SRRM3: variants seen among roughly 807,000 people sequenced by gnomAD.
The protein encoded by SRRM3 is serine/arginine repetitive matrix protein 3.
In SRRM3, 27 loss-of-function variants were observed where a neutral mutation model predicts 66.2. That is an observed-to-expected ratio of 0.41 (90% confidence interval 0.30 to 0.56). The LOEUF (loss-of-function observed/expected upper bound fraction) is 0.56, where lower values mean the gene tolerates loss of function less well. Among genes scored for constraint, SRRM3 ranks in the 20% least tolerant of loss-of-function variants. The pLI, the probability that SRRM3 is intolerant of heterozygous loss-of-function variation, is 0.32. For missense variants in SRRM3, 918 were observed against 991.9 expected, an observed-to-expected ratio of 0.93 and a Z score of 1.00; for synonymous variants, 391 against 414.9, an observed-to-expected ratio of 0.94 and a Z score of 0.70.
chr7:76,243,934 C>G (rs1454190012), intron 2 of SRRM3, among the ~76,000 whole-genome samples: 1 of 152,214 alleles, frequency 6.6e-6, no homozygotes, highest in Non-Finnish European at 1.5e-5. Context: ...TCCTGGGTGC[C>G]AGGCTCTGCA....
chr7:76,259,782 C>T (rs1232585770), intron 3 of SRRM3, 124 bp from the exon 4 acceptor site: 8 of 1,459,296 alleles, frequency 5.5e-6, no homozygotes, highest in African/African-American at 1.4e-5. Context: ...AGTTACCCCT[C>T]GCCCCTCCCC....
chr7:76,210,577 A>T (rs1342705351), intron 1 of SRRM3, among the ~76,000 whole-genome samples: 1 of 152,130 alleles, frequency 6.6e-6, no homozygotes, highest in Non-Finnish European at 1.5e-5. Context: ...GCATTAGGTA[A>T]AGAGAGGAGA....
intron 14 of SRRM3, chr7:76,283,807 TG>T: frequency 5.1e-6 from 5 of 985,412 alleles, no homozygotes; most frequent in Non-Finnish European, 6.0e-6. Flanking sequence ...CTGCTAGGAC[TG>T]GAAGTGTCTG....
intron 1 of SRRM3, among the ~76,000 whole-genome samples, chr7:76,211,449 G>A (rs1800429293): frequency 6.6e-6 from 1 of 152,170 alleles, no homozygotes; most frequent in East Asian, 1.9e-4. Flanking sequence ...AGGTGAGGCA[G>A]CCTAGCCTTT....
chr7:76,264,653 G>A lies in SRRM3; in HGVS notation c.675-112G>A, dbSNP rs1186938915. 6 of 1,122,494 alleles carry A rather than the reference G, an allele frequency of 5.3e-6. No individual in the cohort carries two copies. In the East Asian group the frequency reaches 1.2e-4, roughly 23 times the overall value. 69.5% of individuals were successfully genotyped at this position (1,122,494 alleles called of 1,614,324 possible). ...AGTCCCCGCCAGCCATGGGGCTTAG[G>A]CCCTAGAGTGGAACAAATCTCAGAT... On this transcript the variant is annotated intron_variant, in intron 8 of 14. Coordinates refer to ENST00000611745, the MANE Select transcript of SRRM3 (RefSeq NM_001110199.3).
intron 3 of SRRM3, among the ~76,000 whole-genome samples, chr7:76,256,813 G>A (rs893559475): frequency 8.6e-5 from 13 of 151,138 alleles, no homozygotes; most frequent in Non-Finnish European, 1.6e-4. Flanking sequence ...GGGTTCAAGC[G>A]ATTCTCCTGC....
In SRRM3 at chr7:76,261,336, C is replaced by T. The variant is rs1801860178; in HGVS notation, c.576-16C>T. 1 of 1,191,282 alleles carries T rather than the reference C, an allele frequency of 8.4e-7. No homozygotes were observed. Among genetic ancestry groups the T allele is most frequent in the Non-Finnish European group, 1.1e-6 (1 of 880,322 alleles). 73.8% of individuals were successfully genotyped at this position (1,191,282 alleles called of 1,614,324 possible). A position where few individuals can be genotyped will look rare whatever the true frequency, so the allele number is the denominator to read the frequency against. ...CCCACCCCAGCTCACTAGAGCCCAC[C>T]TCCCTGTGTCCACAGCTGTGGGAGC... On this transcript the variant is annotated splice_polypyrimidine_tract_variant and intron_variant, in intron 6 of 14. Transcript: ENST00000611745.
chr7:76,258,380 C>A (rs1457732277), intron 3 of SRRM3, among the ~76,000 whole-genome samples: 3 of 151,990 alleles, frequency 2.0e-5, no homozygotes, highest in Admixed American at 2.0e-4. Flanking sequence ...AGCCAGGGCT[C>A]GGGGAGGGCG....
intron 11 of SRRM3, chr7:76,268,613 C>T (rs1802132063): frequency 6.6e-6 from 1 of 152,296 alleles, no homozygotes; most frequent in African/African-American, 2.4e-5. Context: ...CTCCCACGGC[C>T]TCAGAGAGGA....
chr7:76,212,571 C>T (rs552946762), intron 1 of SRRM3, among the ~76,000 whole-genome samples: 12 of 149,878 alleles, frequency 8.0e-5, no homozygotes, highest in East Asian at 4.0e-4. Context: ...CAGGTTCAAG[C>T]GATTCTCCTG....
At chr7:76,229,968 T>C (rs1435547723) in intron 1 of SRRM3, among the ~76,000 whole-genome samples, 14 of 152,142 alleles carry the variant, frequency 9.2e-5, no homozygotes, top group Non-Finnish European at 1.3e-4. Context: ...GGTCTCGAAC[T>C]CCTGACCTCA....
intron 1 of SRRM3, among the ~76,000 whole-genome samples, chr7:76,203,667 G>A (rs1332318414): frequency 1.3e-5 from 2 of 152,094 alleles, no homozygotes; most frequent in Non-Finnish European, 2.9e-5. Context: ...GGTTGACTCA[G>A]CTAATCCTCA....
intron 11 of SRRM3, chr7:76,269,335 T>G (rs1346919227): frequency 5.3e-5 from 8 of 152,110 alleles, no homozygotes; most frequent in African/African-American, 1.9e-4. Flanking sequence ...GATCTGGGAC[T>G]TCAGAGCATC....
intron 11 of SRRM3, among the ~76,000 whole-genome samples, chr7:76,281,092 CTCTG>C (rs1373660817): frequency 2.7e-5 from 4 of 150,332 alleles, no homozygotes; most frequent in Admixed American, 1.3e-4. Context: ...CTCCCTCTCA[CTCTG>C]TCTCTCTCCT....
chr7:76,239,752 C>T (rs1463687315), intron 2 of SRRM3, among the ~76,000 whole-genome samples: 1 of 152,154 alleles, frequency 6.6e-6, no homozygotes, highest in East Asian at 1.9e-4. Context: ...CAAAAGGTCA[C>T]TGTCTGGCCT....
intron 1 of SRRM3, among the ~76,000 whole-genome samples, chr7:76,207,540 A>C (rs1800332342): frequency 6.6e-6 from 1 of 151,952 alleles, no homozygotes; most frequent in South Asian, 2.1e-4. Context: ...TGCTGTTTTT[A>C]CTCTATCATG....
chr7:76,272,408 ATT>A (rs1373838985), intron 11 of SRRM3, among the ~76,000 whole-genome samples: 5 of 151,558 alleles, frequency 3.3e-5, no homozygotes, highest in Non-Finnish European at 7.4e-5. Context: ...CAAAAAAAAA[ATT>A]TTTTTTAATT....
At chr7:76,276,079 T>C (rs1554611086) in intron 11 of SRRM3, among the ~76,000 whole-genome samples, 9 of 138,626 alleles carry the variant, frequency 6.5e-5, no homozygotes. Context: ...GACCCCCATC[T>C]CAAAAAATAT....
At chr7:76,249,771 G>A (rs1801527339) in intron 3 of SRRM3, among the ~76,000 whole-genome samples, 1 of 152,240 alleles carries the variant, frequency 6.6e-6, no homozygotes, top group Middle Eastern at 3.4e-3. Context: ...AATTAGCTGG[G>A]CTATGTGGTA....
Sources: gnomAD v4.1 joint callset for allele counts (sites outside exome capture counted in the v4.1 genomes callset) on GRCh38, gnomAD v4.1.1 for gene constraint, MANE v1.5 for transcripts, NCBI Gene and HGNC (gene_info 2026-07-23, HGNC 2026-07-21) for gene names.